LRRC45: variants seen among roughly 807,000 people sequenced by gnomAD.
LRRC45 encodes leucine rich repeat containing 45.
Under a neutral mutation model 85.4 loss-of-function variants are expected in LRRC45, and 73 were observed. The observed-to-expected ratio is 0.85, with a 90% CI of 0.71 to 1.04. LRRC45 has a LOEUF of 1.04. Ranked by LOEUF, LRRC45 falls within the 50% of genes least tolerant of loss-of-function variation. The pLI is 0.00. For synonymous variants in LRRC45, 429 were observed against 386.0 expected, an observed-to-expected ratio of 1.11 and a Z score of -1.31; for missense variants, 937 against 883.3, an observed-to-expected ratio of 1.06 and a Z score of -0.77.
Position 82,030,086 on chromosome 17 carries a change from G to T in LRRC45, c.1516G>T (p.Glu506Ter), listed in dbSNP as rs1480345227. ...ACAGCAACAGCGCCTGGCTCACCTG[G>T]AGGACAAGCTGAGACTGCTGGCGCA... ...LEEQQRLAHL[E>*]DKLRLLAQAR... is the part of the protein sequence containing the mutation. The change falls in exon 15 of 17, where the codon GAG (glutamate) becomes TAG (stop). Residue 506 changes from glutamate (E) to a stop codon, truncating the protein, a stop_gained. Transcript: ENST00000306688. LOFTEE classifies it high-confidence loss of function. 2 of 1,546,034 alleles carry T rather than the reference G, an allele frequency of 1.3e-6. No homozygotes were observed. Among genetic ancestry groups the T allele is most frequent in the Non-Finnish European group, 8.7e-7 (1 of 1,147,074 alleles).
intron 13 of LRRC45, 110 bp downstream of exon 13, chr17:82,029,295 G>A (rs2043396078): frequency 1.5e-5 from 17 of 1,139,310 alleles, no homozygotes; most frequent in South Asian, 1.4e-4. Flanking sequence ...TGTTCCCAGA[G>A]GCTCATAGGC....
At chr17:82,023,978 C>A (rs2043340568) in intron 1 of LRRC45, 115 bp downstream of exon 1, 1 of 1,006,190 alleles carries the variant, frequency 9.9e-7, no homozygotes, top group Non-Finnish European at 1.4e-6. Flanking sequence ...GTAGTTAAAG[C>A]GAGCAGGGGC....
At chr17:82,027,320 CCCT>C in intron 6 of LRRC45, 63 bp from the exon 7 acceptor site, 3 of 1,578,110 alleles carry the variant, frequency 1.9e-6, no homozygotes, top group Non-Finnish European at 2.6e-6. Context: ...CTCTCCTTCC[CCCT>C]GAGAAGGTCA....
chr17:82,030,024 G>A (rs751811035), intron 14 of LRRC45, 41 bp from the exon 15 acceptor site: 12 of 1,513,778 alleles, frequency 7.9e-6, no homozygotes, highest in Non-Finnish European at 1.1e-5. Flanking sequence ...CTGAGCTCAG[G>A]CTGAGCCCCT....
rs1013569385 is a variant in LRRC45 at position 82,028,459 on chromosome 17, G to T, written c.1188G>T (p.Glu396Asp). ...AGCAGCTGTTCCAGACCAGGCAGGA[G>T]ATGACCAGCATGTCAGCTGAGCTGA... Reference protein sequence around the residue: ...QQEQLFQTRQEMTSMSAELKM... With the variant: ...QQEQLFQTRQDMTSMSAELKM... Residue 396 changes from glutamate (E) to aspartate (D), a missense_variant, in exon 11 of 17, where the codon GAG becomes GAT. Transcript: ENST00000306688. 6.2e-7 allele frequency: 1 copy of T among 1,612,736 alleles called. No individual in the cohort carries two copies. The highest frequency in any genetic ancestry group is 1.7e-5 in the Admixed American group (1 of 60,012).
chr17:82,030,884 C>A lies in LRRC45; in HGVS notation c.*79C>A. The stretch of plus-strand genomic sequence containing the variant: ...TGGACCAGGGGCTGCGTCCCGCCCG[C>A]GCCGCCTCTTTGAGACCCGGGTCGT... On this transcript the variant is annotated 3_prime_UTR_variant, in exon 17 of 17. Coordinates refer to ENST00000306688, the MANE Select transcript of LRRC45 (RefSeq NM_144999.4). 1 of 1,115,222 alleles carries A rather than the reference C, an allele frequency of 9.0e-7. No homozygotes were observed. Among genetic ancestry groups the A allele is most frequent in the African/African-American group, 1.6e-5 (1 of 62,082 alleles). The allele number at this position is 1,115,222 out of a possible 1,614,324, so 69.1% of individuals were successfully genotyped here. A position where few individuals can be genotyped will look rare whatever the true frequency, so the allele number is the denominator to read the frequency against.
Position 82,028,022 on chromosome 17 carries a change from C to G in LRRC45, c.923C>G (p.Thr308Arg). The change falls in exon 9 of 17, where the codon ACA becomes AGA. Residue 308 changes from threonine (T) to arginine (R), a missense_variant. Physicochemically the swap from Thr to Arg is moderately conservative, Grantham distance 71. Coordinates refer to ENST00000306688, the MANE Select transcript of LRRC45 (RefSeq NM_144999.4). ...INALKAKLQMTEAALALSEQK... is the reference protein window; with the variant it reads ...INALKAKLQMREAALALSEQK... ...CCTCCTTTCTGCAGGCTGCAGATGA[C>G]AGAGGCCGCCCTGGCTCTGTCGGAG... is the stretch of plus-strand genomic sequence containing the variant. 1 of 1,603,592 alleles carries G rather than the reference C, an allele frequency of 6.2e-7. No individual in the cohort carries two copies. The highest frequency in any genetic ancestry group is 8.5e-7 in the Non-Finnish European group (1 of 1,176,250).
chr17:82,025,128 C>T lies in LRRC45; in HGVS notation c.482C>T (p.Ala161Val), dbSNP rs375834199. The change falls in exon 4 of 17, where the codon GCG becomes GTG. Residue 161 changes from alanine (A) to valine (V), a missense_variant. Transcript: ENST00000306688. Reference protein sequence around the residue: ...LRNNQISHKGAEELALALKGN... With the variant: ...LRNNQISHKGVEELALALKGN... The stretch of plus-strand genomic sequence containing the variant: ...AACAACCAGATCAGTCACAAGGGCG[C>T]GGAGGAGCTGGCCCTAGCCCTGAAG... 6.3e-5 allele frequency: 101 copies of T among 1,610,608 alleles called. No homozygotes were observed. Among genetic ancestry groups the T allele is most frequent in the Middle Eastern group, 1.6e-4 (1 of 6,066 alleles).
chr17:82,024,656 G>A, intron 2 of LRRC45, 37 bp from the exon 3 acceptor site: 1 of 1,558,180 alleles, frequency 6.4e-7, no homozygotes, highest in African/African-American at 1.4e-5. Flanking sequence ...GAGCCAGTCA[G>A]GGCACGCGAG....
chr17:82,028,360 CT>C (rs1568015545), intron 10 of LRRC45, 36 bp from the exon 11 acceptor site: 2 of 1,609,246 alleles, frequency 1.2e-6, no homozygotes, highest in Non-Finnish European at 1.7e-6. Context: ...CGCGGCAGGG[CT>C]GGGCTGCAGC....
intron 2 of LRRC45, 100 bp from the exon 3 acceptor site, chr17:82,024,593 C>T (rs2043349255): frequency 7.3e-7 from 1 of 1,362,412 alleles, no homozygotes; most frequent in African/African-American, 1.5e-5. Context: ...CAGGGTGCAC[C>T]CCAGGCTTGT....
chr17:82,027,510 G>A, intron 7 of LRRC45, 66 bp downstream of exon 7: 1 of 1,601,470 alleles, frequency 6.2e-7, no homozygotes, highest in Non-Finnish European at 8.5e-7. Context: ...AGACTCAGAT[G>A]GGACCAACCT....
rs1172176404 is a variant in LRRC45, at chr17:82,025,439, G to C, written c.593G>C (p.Ser198Thr). 1 of 1,608,840 alleles carries C rather than the reference G, an allele frequency of 6.2e-7. No homozygotes were observed. The highest frequency in any genetic ancestry group is 8.5e-7 in the Non-Finnish European group (1 of 1,177,804). The change falls in exon 5 of 17, where the codon AGC becomes ACC. Residue 198 changes from serine to threonine, a missense_variant. Coordinates refer to ENST00000306688, the MANE Select transcript of LRRC45 (RefSeq NM_144999.4). ...GGRALMNCLP[S>T]NRTLWRLDLA... ...CGGGCCCTCATGAACTGTCTCCCCA[G>C]CAACAGAACCCTGTGGAGACTGGAC...
At chr17:82,029,934 G>A in intron 14 of LRRC45, 131 bp from the exon 15 acceptor site, 2 of 1,181,912 alleles carry the variant, frequency 1.7e-6, no homozygotes, top group Middle Eastern at 2.9e-4. Context: ...GCTGCCAGGG[G>A]AGCGGGTTCA....
Position 82,028,093 on chromosome 17 carries a change from G to C in LRRC45, c.994G>C (p.Glu332Gln), listed in dbSNP as rs753739520. ...LGELLATAEQ[E>Q]QLSLSQRQAK... The stretch of plus-strand genomic sequence containing the variant: ...GGAGCTCCTGGCCACAGCGGAGCAG[G>C]AGCAGCTGAGCCTGTCACAGAGGCA... Residue 332 changes from glutamate to glutamine, a missense_variant, in exon 9 of 17, where the codon GAG (glutamate) becomes CAG (glutamine). Transcript: ENST00000306688. 4.4e-6 allele frequency: 7 copies of C among 1,584,026 alleles called. No homozygotes were observed. Among genetic ancestry groups the C allele is most frequent in the African/African-American group, 1.3e-5 (1 of 74,292 alleles).
At position 82,030,138 on chromosome 17, in the gene LRRC45, G is replaced by T; in HGVS notation, c.1568G>T (p.Cys523Phe). 1.3e-6 allele frequency: 2 copies of T among 1,548,052 alleles called. No individual in the cohort carries two copies. Among genetic ancestry groups the T allele is most frequent in the South Asian group, 2.4e-5 (2 of 84,010 alleles). ...AQARDEAQGA[C>F]LQQKQVVAEA... ...GCACGGGACGAGGCGCAGGGCGCTT[G>T]CCTACAGCAGAAGCAGGTGGTGGCC... Residue 523 changes from cysteine to phenylalanine, a missense_variant, in exon 15 of 17, where the codon TGC (cysteine) becomes TTC (phenylalanine). Coordinates refer to ENST00000306688, the MANE Select transcript of LRRC45 (RefSeq NM_144999.4).
At position 82,030,719 on chromosome 17, in the gene LRRC45, G is replaced by A. The variant is rs2043412310; in HGVS notation, c.1927G>A (p.Glu643Lys). 1 of 1,499,222 alleles carries A rather than the reference G, an allele frequency of 6.7e-7. No homozygotes were observed. The highest frequency in any genetic ancestry group is 9.0e-7 in the Non-Finnish European group (1 of 1,114,696). The allele number at this position is 1,499,222 out of a possible 1,614,324, so 92.9% of individuals were successfully genotyped here. A position where few individuals can be genotyped will look rare whatever the true frequency, so the allele number is the denominator to read the frequency against. The change falls in exon 17 of 17, where the codon GAG becomes AAG. Residue 643 changes from glutamate (E) to lysine (K), a missense_variant. Glu to Lys is a moderately conservative substitution (Grantham distance 56). Coordinates refer to ENST00000306688, the MANE Select transcript of LRRC45 (RefSeq NM_144999.4). ...EAEIARIRDE[E>K]AQRASFLQNA... ...GGAGATCGCCCGCATCCGGGACGAG[G>A]AGGCCCAGAGGGCGAGCTTCCTGCA... is the stretch of plus-strand genomic sequence containing the variant.
rs1261068365 is a variant in LRRC45, at chr17:82,024,704, T to G, written c.294T>G (p.Leu98=). ...LRFLDLKGNN[L]RAAGAEALGK... is the part of the protein sequence containing the mutation. ...TGTTTCTCTCCTAGGGCAACAACCT[T>G]CGGGCTGCAGGGGCCGAGGCTCTGG... Residue 98 remains leucine (L), a synonymous_variant, in exon 3 of 17, where the codon CTT becomes CTG. Transcript: ENST00000306688. The G allele has an allele frequency of 2.5e-6, 4 of 1,572,438 alleles. No individual in the cohort carries two copies. In the East Asian group the frequency reaches 6.8e-5, roughly 27 times the overall value.
At chr17:82,029,864 G>A (rs900507443) in intron 14 of LRRC45, among the ~76,000 whole-genome samples, 48 of 152,236 alleles carry the variant, frequency 3.2e-4, no homozygotes, top group African/African-American at 1.1e-3. Context: ...ATGGATGGAT[G>A]GGAGGGGTGG....
Sources: allele counts gnomAD v4.1 joint callset (sites outside exome capture counted in the v4.1 genomes callset), GRCh38; gene constraint gnomAD v4.1.1; transcripts MANE v1.5; gene names NCBI Gene and HGNC (gene_info 2026-07-23, HGNC 2026-07-21).